The following CDK5RAP2 variants were observed in gnomAD, a reference collection of about 807,000 sequenced individuals.
CDK5RAP2 encodes CDK5 regulatory subunit-associated protein 2.
CDK5RAP2 carries 147 observed loss-of-function variants against 232.9 expected under a neutral mutation model. The observed-to-expected ratio is 0.63, with a 90% CI of 0.55 to 0.72. CDK5RAP2 has a LOEUF of 0.72. CDK5RAP2 is among the 30% of genes least tolerant of loss of function. CDK5RAP2 has a pLI of 0.00. For synonymous variants in CDK5RAP2, 833 were observed against 833.7 expected (o/e 1.00, Z 0.01); for missense variants, 2,195 against 2,231.5 (o/e 0.98, Z 0.33).
At chr9:120,396,699 G>A (rs1386252782) in intron 35 of CDK5RAP2, among the ~76,000 whole-genome samples, 1 of 152,164 alleles carries the variant, frequency 6.6e-6, no homozygotes, top group Non-Finnish European at 1.5e-5. Flanking sequence ...CAGAGTAGGT[G>A]CTGTGACACC....
intron 7 of CDK5RAP2, among the ~76,000 whole-genome samples, chr9:120,532,878 T>TA (rs2041215832): frequency 6.6e-6 from 1 of 151,762 alleles, no homozygotes; most frequent in South Asian, 2.1e-4. Flanking sequence ...TAGAACACAG[T>TA]AAGTACTTGA....
At chr9:120,517,126 G>A (rs1280431575) in intron 12 of CDK5RAP2, among the ~76,000 whole-genome samples, 1 of 152,178 alleles carries the variant, frequency 6.6e-6, no homozygotes, top group Admixed American at 6.5e-5. Flanking sequence ...CCTCTGATTA[G>A]ACCAGGAGCC....
intron 3 of CDK5RAP2, among the ~76,000 whole-genome samples, chr9:120,564,857 A>G (rs2042592408): frequency 6.6e-6 from 1 of 152,210 alleles, no homozygotes; most frequent in Admixed American, 6.5e-5. Context: ...GAGAGATAGC[A>G]GTGTCCAGAA....
At chr9:120,509,086 G>A (rs577510944) in intron 12 of CDK5RAP2, among the ~76,000 whole-genome samples, 1 of 152,176 alleles carries the variant, frequency 6.6e-6, no homozygotes, top group African/African-American at 2.4e-5. Flanking sequence ...CCCCAGGTAT[G>A]AGCCACTGAG....
chr9:120,400,945 GC>G (rs1211892744), intron 34 of CDK5RAP2, 60 bp from the exon 35 acceptor site: 2 of 1,583,848 alleles, frequency 1.3e-6, no homozygotes, highest in African/African-American at 2.7e-5. Context: ...AGACAAGCAA[GC>G]CTTAACATGC....
rs1318935108 is a variant in CDK5RAP2, at chr9:120,388,946, G to A, written c.*290C>T. The A allele has an allele frequency of 9.6e-6, 5 of 521,630 alleles. No individual in the cohort carries two copies. In the Admixed American group the frequency reaches 1.0e-4, roughly 11 times the overall value. 32.3% of individuals were successfully genotyped at this position (521,630 alleles called of 1,614,324 possible). A position where few individuals can be genotyped will look rare whatever the true frequency, so the allele number is the denominator to read the frequency against. ...GGCTGAGTACTAAGCAAATCCAGGG[G>A]AAGACGTGAAGCCCACCAAGGCGCA... On this transcript the variant is annotated 3_prime_UTR_variant, in exon 38 of 38. Coordinates refer to ENST00000349780, the MANE Select transcript of CDK5RAP2 (RefSeq NM_018249.6).
chr9:120,506,695 G>T (rs1383428708), intron 12 of CDK5RAP2, among the ~76,000 whole-genome samples: 3 of 152,174 alleles, frequency 2.0e-5, no homozygotes, highest in African/African-American at 7.2e-5. Context: ...CTGCTAATGT[G>T]GTGGAAATAG....
intron 35 of CDK5RAP2, among the ~76,000 whole-genome samples, chr9:120,399,644 A>G (rs1360884547): frequency 2.0e-5 from 3 of 152,212 alleles, no homozygotes; most frequent in African/African-American, 7.2e-5. Context: ...TAAGCCTAAG[A>G]TGGAACAGGA....
intron 3 of CDK5RAP2, among the ~76,000 whole-genome samples, chr9:120,553,234 TGA>T (rs1184693505): frequency 6.6e-6 from 1 of 152,186 alleles, no homozygotes; most frequent in African/African-American, 2.4e-5. Flanking sequence ...CCAGTAACTA[TGA>T]TCTGTCAATT....
intron 4 of CDK5RAP2, among the ~76,000 whole-genome samples, chr9:120,548,952 T>C (rs1202821236): frequency 6.6e-6 from 1 of 151,694 alleles, no homozygotes; most frequent in Non-Finnish European, 1.5e-5. Flanking sequence ...AGGCCAGGAG[T>C]TTGAGACCAG....
At chr9:120,408,850 C>G (rs2033659742) in intron 30 of CDK5RAP2, among the ~76,000 whole-genome samples, 1 of 152,274 alleles carries the variant, frequency 6.6e-6, no homozygotes, top group South Asian at 2.1e-4. Flanking sequence ...CAGCACTCAC[C>G]TCCTCACTGC....
rs370193524 is a variant in CDK5RAP2 at position 120,476,445 on chromosome 9, G to A, written c.1727+905C>T. Among the ~76,000 whole-genome samples, 67 of 152,012 alleles carry A rather than the reference G, an allele frequency of 4.4e-4. 1 individual carries two copies. In the East Asian group the frequency reaches 6.6e-3, roughly 15 times the overall value. On this transcript the variant is annotated intron_variant, in intron 15 of 37. Transcript: ENST00000349780. Reference sequence around the variant, plus strand: ...TTGTAATCCCAGCACTTTGGGAGGCGGAGGTGGGTGGATCCTGAGGTCAGG... The same window carrying A: ...TTGTAATCCCAGCACTTTGGGAGGCAGAGGTGGGTGGATCCTGAGGTCAGG...
chr9:120,542,386 T>A (rs570442272), intron 5 of CDK5RAP2, among the ~76,000 whole-genome samples: 28 of 151,502 alleles, frequency 1.8e-4, no homozygotes, highest in African/African-American at 6.5e-4. Context: ...ATGCCTGTAA[T>A]CCCAGCTACT....
At chr9:120,422,260 GC>G (rs1464733706) in intron 26 of CDK5RAP2, among the ~76,000 whole-genome samples, 11 of 152,292 alleles carry the variant, frequency 7.2e-5, no homozygotes, top group African/African-American at 2.4e-4. Flanking sequence ...AGAGTGCACA[GC>G]TATGGTGTGG....
chr9:120,467,810 C>T (rs772202727), intron 18 of CDK5RAP2, 50 bp downstream of exon 18: 10 of 1,600,448 alleles, frequency 6.2e-6, no homozygotes, highest in Non-Finnish European at 8.5e-6. Context: ...CATACCAAGC[C>T]GGTTGTTATA....
At chr9:120,391,044 T>TG (rs959654519) in intron 36 of CDK5RAP2, among the ~76,000 whole-genome samples, 1 of 152,072 alleles carries the variant, frequency 6.6e-6, no homozygotes, top group Admixed American at 6.5e-5. Context: ...TGGATATGTT[T>TG]GGGGGGTCAG....
At position 120,400,846 on chromosome 9, in the gene CDK5RAP2, C is replaced by T; in HGVS notation, c.5347G>A (p.Val1783Met). The stretch of plus-strand genomic sequence containing the variant: ...TCCAGGGTCAGCTTGGCCGTGCTCA[C>T]ACTGCTCACAAACTTGCTCAGTGGT... ...PAPLSKFVSSVSTAKLTLEEA... is the reference protein window; with the variant it reads ...PAPLSKFVSSMSTAKLTLEEA... Residue 1783 changes from valine to methionine, a missense_variant, in exon 35 of 38, where the codon GTG (valine) becomes ATG (methionine). Coordinates refer to ENST00000349780, the MANE Select transcript of CDK5RAP2 (RefSeq NM_018249.6). 6.2e-7 allele frequency: 1 copy of T among 1,614,202 alleles called. No individual in the cohort carries two copies. The highest frequency in any genetic ancestry group is 8.5e-7 in the Non-Finnish European group (1 of 1,180,032).
At chr9:120,390,781 T>C (rs545605990) in intron 36 of CDK5RAP2, among the ~76,000 whole-genome samples, 42 of 152,156 alleles carry the variant, frequency 2.8e-4, no homozygotes, top group Non-Finnish European at 4.6e-4. Flanking sequence ...CCAACACACA[T>C]AGCCTGACTC....
intron 12 of CDK5RAP2, among the ~76,000 whole-genome samples, chr9:120,511,651 T>G (rs568571019): frequency 5.4e-4 from 82 of 152,302 alleles, no homozygotes; most frequent in Non-Finnish European, 9.1e-4. Context: ...TGTAACTGAT[T>G]TTCTCTTTTT....
Sources: gnomAD v4.1 joint callset for allele counts (sites outside exome capture counted in the v4.1 genomes callset) on GRCh38, gnomAD v4.1.1 for gene constraint, MANE v1.5 for transcripts, NCBI Gene and HGNC (gene_info 2026-07-23, HGNC 2026-07-21) for gene names.